The following DOCK2 variants were observed in gnomAD, a reference collection of about 807,000 sequenced individuals.
DOCK2 encodes dedicator of cytokinesis protein 2.
A neutral mutation model predicts 248.9 loss-of-function variants in DOCK2; 87 were observed. That is an observed-to-expected ratio of 0.35 (90% CI 0.29 to 0.42). The LOEUF (loss-of-function observed/expected upper bound fraction) is 0.42. DOCK2 is among the 10% of genes least tolerant of loss of function. The pLI, the probability that DOCK2 is intolerant of heterozygous loss-of-function variation, is 1.00. For missense variants in DOCK2, 1,747 were observed against 2,300.2 expected (o/e 0.76, Z 4.92); for synonymous variants, 805 against 821.6 (o/e 0.98, Z 0.35).
chr5:169,784,682 C>A (rs1159666033), intron 25 of DOCK2, among the ~76,000 whole-genome samples: 1 of 152,174 alleles, frequency 6.6e-6, no homozygotes, highest in African/African-American at 2.4e-5. Flanking sequence ...AAAGATGGAG[C>A]AGACATCAGG....
At chr5:169,999,985 TA>T (rs1754777538) in intron 30 of DOCK2, 1 of 152,248 alleles carries the variant, frequency 6.6e-6, no homozygotes, top group Admixed American at 6.5e-5. Flanking sequence ...CTGGGAATTA[TA>T]AAAATGGTGT....
At chr5:169,992,373 T>G (rs1280038553) in intron 29 of DOCK2, among the ~76,000 whole-genome samples, 2 of 152,232 alleles carry the variant, frequency 1.3e-5, no homozygotes, top group Non-Finnish European at 2.9e-5. Flanking sequence ...GAACTTTGTT[T>G]TCAACAATTC....
chr5:169,961,978 C>CAAAAAAAAAAAAAAAAAAAAAAAAAAA lies in DOCK2; in HGVS notation c.2800-21073_2800-21072insAAAAAAAAAAAAAAAAAAAAAAAAAAA, dbSNP rs70979150. 1.2e-4 allele frequency among the ~76,000 whole-genome samples: 9 copies of CAAAAAAAAAAAAAAAAAAAAAAAAAAA among 74,634 alleles called. 2 individuals are homozygous for CAAAAAAAAAAAAAAAAAAAAAAAAAAA. Among genetic ancestry groups the CAAAAAAAAAAAAAAAAAAAAAAAAAAA allele is most frequent in the African/African-American group, 2.0e-4 (3 of 14,776 alleles). The allele number at this position is 74,634 out of a possible 152,430, so 49.0% of individuals were successfully genotyped here. A position where few individuals can be genotyped will look rare whatever the true frequency, so the allele number is the denominator to read the frequency against. ...TGGGTGAAAAAGTGAGACTCTGTCC[C>CAAAAAAAAAAAAAAAAAAAAAAAAAAA]AAAAAAAAAAAAAAAAATGGAGAAA... is the stretch of plus-strand genomic sequence containing the variant. On this transcript the variant is annotated intron_variant, in intron 27 of 51. Coordinates refer to ENST00000520908, the MANE Select transcript of DOCK2 (RefSeq NM_004946.3).
chr5:169,816,067 T>G (rs932220232), intron 26 of DOCK2, among the ~76,000 whole-genome samples: 5 of 152,212 alleles, frequency 3.3e-5, no homozygotes, highest in Admixed American at 1.3e-4. Context: ...AGACATGAGT[T>G]AAAAGCCCTC....
chr5:169,859,106 T>C (rs1293937218), intron 27 of DOCK2, among the ~76,000 whole-genome samples: 1 of 151,706 alleles, frequency 6.6e-6, no homozygotes, highest in African/African-American at 2.4e-5. Context: ...AGAAATGAAG[T>C]GGGTTTAGAA....
At chr5:169,971,411 C>T (rs1041986578) in intron 27 of DOCK2, among the ~76,000 whole-genome samples, 1 of 145,078 alleles carries the variant, frequency 6.9e-6, no homozygotes, top group Non-Finnish European at 1.5e-5. Context: ...TTCCTTCTGC[C>T]CCTTTCCTCC....
At chr5:169,771,570 C>T (rs1028373411) in intron 25 of DOCK2, among the ~76,000 whole-genome samples, 4 of 152,122 alleles carry the variant, frequency 2.6e-5, no homozygotes, top group African/African-American at 4.8e-5. Flanking sequence ...TGTGAGCCAC[C>T]GCACCCGGCC....
intron 14 of DOCK2, among the ~76,000 whole-genome samples, chr5:169,703,363 G>A (rs1034627155): frequency 4.6e-5 from 7 of 152,162 alleles, no homozygotes; most frequent in African/African-American, 1.4e-4. Flanking sequence ...CTGTGTGATA[G>A]TATGACACAT....
intron 26 of DOCK2, among the ~76,000 whole-genome samples, chr5:169,808,672 G>A (rs1767559153): frequency 6.6e-6 from 1 of 152,116 alleles, no homozygotes; most frequent in Non-Finnish European, 1.5e-5. Flanking sequence ...TGCTTTGCTG[G>A]CTGCCGAGTA....
intron 14 of DOCK2, among the ~76,000 whole-genome samples, chr5:169,704,838 A>G (rs1761173140): frequency 6.6e-6 from 1 of 151,970 alleles, no homozygotes; most frequent in African/African-American, 2.4e-5. Context: ...GCCCACAAAA[A>G]TTAAAAATTT....
chr5:169,945,221 G>A (rs1776397386), intron 27 of DOCK2, among the ~76,000 whole-genome samples: 1 of 152,250 alleles, frequency 6.6e-6, no homozygotes, highest in South Asian at 2.1e-4. Flanking sequence ...GGAAAGTCAT[G>A]CAACCTCTCC....
chr5:170,034,440 C>T lies in DOCK2; in HGVS notation c.3509C>T (p.Ser1170Leu), dbSNP rs137955744. Residue 1170 changes from serine (S) to leucine (L), a missense_variant, in exon 35 of 52, where the codon TCG (serine) becomes TTG (leucine). Ser to Leu is a moderately radical substitution (Grantham distance 145). This residue lies in a region of DOCK2 where 858 missense variants were observed against 1,183.5 expected (regional missense o/e 0.72). Coordinates refer to ENST00000520908, the MANE Select transcript of DOCK2 (RefSeq NM_004946.3). ...GCAGAGCACCCAACCATTGCCAAGT[C>T]GGTGGAGAACTTCGTGAACCTGGTC... The part of the protein sequence containing the change: ...CAAEHPTIAK[S>L]VENFVNLVKG... 3.0e-5 allele frequency: 48 copies of T among 1,614,168 alleles called. No individual in the cohort carries two copies. The highest frequency in any genetic ancestry group is 1.1e-4 in the South Asian group (10 of 91,078).
Position 169,684,321 on chromosome 5 carries a change from C to A in DOCK2, c.732C>A (p.Leu244=). ...IGEDAELFMS[L]YDPNKQTVIS... is the part of the protein sequence containing the mutation. ...AAGATGCTGAGCTCTTCATGTCTCTCTACGACCCCAACAAGCAAACGGTCA... is the reference window on the plus strand; with the variant it reads ...AAGATGCTGAGCTCTTCATGTCTCTATACGACCCCAACAAGCAAACGGTCA... The change falls in exon 8 of 52, where the codon CTC becomes CTA. Residue 244 remains leucine (L), a synonymous_variant. Coordinates refer to ENST00000520908, the MANE Select transcript of DOCK2 (RefSeq NM_004946.3). 6.2e-7 allele frequency: 1 copy of A among 1,614,180 alleles called. No individual in the cohort carries two copies.
At chr5:169,993,186 C>T (rs1174053148) in intron 29 of DOCK2, among the ~76,000 whole-genome samples, 1 of 152,188 alleles carries the variant, frequency 6.6e-6, no homozygotes, top group Non-Finnish European at 1.5e-5. Context: ...ACACAAAATA[C>T]AATGTTGTTT....
chr5:169,992,374 T>C (rs1778230083), intron 29 of DOCK2, among the ~76,000 whole-genome samples: 1 of 152,250 alleles, frequency 6.6e-6, no homozygotes, highest in African/African-American at 2.4e-5. Context: ...AACTTTGTTT[T>C]CAACAATTCA....
intron 27 of DOCK2, among the ~76,000 whole-genome samples, chr5:169,846,560 A>T (rs925039361): frequency 6.6e-6 from 1 of 152,050 alleles, no homozygotes. Context: ...GTGGTGAGAA[A>T]GGGAGCATGG....
At chr5:169,788,130 G>A (rs1185186557) in intron 25 of DOCK2, among the ~76,000 whole-genome samples, 1 of 152,028 alleles carries the variant, frequency 6.6e-6, no homozygotes, top group African/African-American at 2.4e-5. Context: ...AAAACCTTCT[G>A]CTCTTCCATG....
chr5:169,702,844 G>A (rs1761061790), intron 14 of DOCK2, among the ~76,000 whole-genome samples: 1 of 152,072 alleles, frequency 6.6e-6, no homozygotes, highest in Non-Finnish European at 1.5e-5. Flanking sequence ...GGGCTGGTGT[G>A]GAGGCTCAGG....
At chr5:169,703,177 A>G (rs1430714932) in intron 14 of DOCK2, among the ~76,000 whole-genome samples, 3 of 152,152 alleles carry the variant, frequency 2.0e-5, no homozygotes, top group Admixed American at 6.5e-5. Context: ...GCATGGGCGA[A>G]TATTCCTCTT....
Sources: allele counts gnomAD v4.1 joint callset (sites outside exome capture counted in the v4.1 genomes callset), GRCh38; gene constraint gnomAD v4.1.1; regional missense constraint gnomAD v4.1.1; transcripts MANE v1.5; gene names NCBI Gene and HGNC (gene_info 2026-07-23, HGNC 2026-07-21).